Variants in SPIDR observed in about 807,000 individuals in gnomAD.
SPIDR encodes the protein scaffold protein involved in DNA repair.
Under a neutral mutation model 104.6 loss-of-function variants are expected in SPIDR, and 93 were observed. That is an observed-to-expected ratio of 0.89 (90% CI 0.75 to 1.06). SPIDR has a LOEUF of 1.06. Ranked by LOEUF, SPIDR falls within the 50% of genes least tolerant of loss-of-function variation. The probability of loss-of-function intolerance (pLI) is 0.00; values close to 1 mark genes in which losing one functional copy is unlikely to be tolerated. For synonymous variants in SPIDR, 431 were observed against 416.9 expected, an observed-to-expected ratio of 1.03 and a Z score of -0.41; for missense variants, 1,154 against 1,111.2, an observed-to-expected ratio of 1.04 and a Z score of -0.55.
intron 5 of SPIDR, among the ~76,000 whole-genome samples, chr8:47,298,361 G>T (rs1455618216): frequency 6.6e-6 from 1 of 152,082 alleles, no homozygotes; most frequent in Non-Finnish European, 1.5e-5. Context: ...TTAGCCCTTT[G>T]TCAGATGAGT....
chr8:47,365,976 GCACACA>G (rs59590542), intron 5 of SPIDR, among the ~76,000 whole-genome samples: 8 of 148,704 alleles, frequency 5.4e-5, no homozygotes, highest in South Asian at 2.1e-4. Flanking sequence ...ACATGCACAA[GCACACA>G]CACACACACA....
At chr8:47,552,556 G>C (rs1016476835) in intron 8 of SPIDR, among the ~76,000 whole-genome samples, 3 of 151,882 alleles carry the variant, frequency 2.0e-5, no homozygotes, top group African/African-American at 7.3e-5. Flanking sequence ...GATCTTTGTT[G>C]TTTTATTAGA....
At chr8:47,552,895 G>C (rs192728916) in intron 8 of SPIDR, among the ~76,000 whole-genome samples, 1 of 152,136 alleles carries the variant, frequency 6.6e-6, no homozygotes, top group African/African-American at 2.4e-5. Context: ...GCAGTGGCTG[G>C]TACCAGTTGT....
chr8:47,575,691 G>T (rs1175832561), intron 8 of SPIDR, among the ~76,000 whole-genome samples: 1 of 149,966 alleles, frequency 6.7e-6, no homozygotes, highest in Non-Finnish European at 1.5e-5. Flanking sequence ...GCCAGGCGCA[G>T]TGGCTCACAC....
chr8:47,478,825 C>T (rs1586393652), intron 8 of SPIDR, among the ~76,000 whole-genome samples: 1 of 152,264 alleles, frequency 6.6e-6, no homozygotes, highest in Non-Finnish European at 1.5e-5. Context: ...ACAATTATAG[C>T]TCTAAACCTG....
intron 8 of SPIDR, among the ~76,000 whole-genome samples, chr8:47,485,173 T>G (rs1216510169): frequency 6.6e-6 from 1 of 152,212 alleles, no homozygotes; most frequent in Non-Finnish European, 1.5e-5. Flanking sequence ...TCCAATGGTC[T>G]TAGCAAATGG....
At chr8:47,577,579 T>G (rs1346108639) in intron 8 of SPIDR, among the ~76,000 whole-genome samples, 1 of 152,210 alleles carries the variant, frequency 6.6e-6, no homozygotes, top group Non-Finnish European at 1.5e-5. Flanking sequence ...AATACAGTAT[T>G]CGCAGGCATC....
chr8:47,655,135 A>T (rs1240444143), intron 10 of SPIDR, among the ~76,000 whole-genome samples: 1 of 152,228 alleles, frequency 6.6e-6, no homozygotes, highest in Non-Finnish European at 1.5e-5. Flanking sequence ...ATTGTTGGAC[A>T]TATGGGTTGG....
At chr8:47,333,991 A>G (rs1184947102) in intron 5 of SPIDR, among the ~76,000 whole-genome samples, 2 of 152,232 alleles carry the variant, frequency 1.3e-5, no homozygotes, top group Non-Finnish European at 2.9e-5. Context: ...TATTATTTTC[A>G]TATAGTTGAA....
intron 5 of SPIDR, among the ~76,000 whole-genome samples, chr8:47,299,685 C>G (rs1294549995): frequency 2.0e-5 from 3 of 152,050 alleles, no homozygotes; most frequent in African/African-American, 7.3e-5. Flanking sequence ...TGTCAAAGGC[C>G]TTTTCTGCAT....
intron 5 of SPIDR, among the ~76,000 whole-genome samples, chr8:47,301,107 C>G (rs1371192568): frequency 6.6e-6 from 1 of 152,132 alleles, no homozygotes; most frequent in African/African-American, 2.4e-5. Context: ...TCTCTAAGGA[C>G]TTGCTTTATG....
At chr8:47,709,824 T>A (rs1215831308) in intron 14 of SPIDR, among the ~76,000 whole-genome samples, 2 of 152,060 alleles carry the variant, frequency 1.3e-5, no homozygotes, top group Non-Finnish European at 2.9e-5. Context: ...TTTTGGACAT[T>A]TTCAGAACCT....
In SPIDR at chr8:47,566,283, G is replaced by A. The variant is rs544822029; in HGVS notation, c.1098-29528G>A. On this transcript the variant is annotated intron_variant, in intron 8 of 19. Coordinates refer to ENST00000297423, the MANE Select transcript of SPIDR (RefSeq NM_001080394.4). ...AGCCTCCCAAAGTGCTGGGATTACAGGCGTGAGCCACCGTGCCTGGCATTT... is the reference window on the plus strand; with the variant it reads ...AGCCTCCCAAAGTGCTGGGATTACAAGCGTGAGCCACCGTGCCTGGCATTT... Among the ~76,000 whole-genome samples, 4 of 151,936 alleles carry A rather than the reference G, an allele frequency of 2.6e-5. No homozygotes were observed. In the East Asian group the frequency reaches 7.8e-4, roughly 30 times the overall value.
intron 8 of SPIDR, among the ~76,000 whole-genome samples, chr8:47,505,393 C>G (rs933334737): frequency 3.9e-5 from 6 of 151,976 alleles, no homozygotes; most frequent in African/African-American, 1.4e-4. Flanking sequence ...GACTGCTGTG[C>G]TAGCAATGAG....
chr8:47,261,380 T>C (rs1477995533), intron 1 of SPIDR, among the ~76,000 whole-genome samples: 1 of 152,194 alleles, frequency 6.6e-6, no homozygotes, highest in Admixed American at 6.5e-5. Flanking sequence ...CCGCGGATAA[T>C]CCACTGTCAA....
intron 5 of SPIDR, among the ~76,000 whole-genome samples, chr8:47,356,820 T>C (rs1232731024): frequency 6.6e-6 from 1 of 152,162 alleles, no homozygotes; most frequent in Non-Finnish European, 1.5e-5. Context: ...TACTGAACTT[T>C]GGTTTTTAAA....
intron 7 of SPIDR, among the ~76,000 whole-genome samples, chr8:47,420,306 A>G (rs4873088): frequency 0.74 from 111,875 of 151,888 alleles, 41,340 homozygotes; most frequent in East Asian, 0.81. Context: ...CTCCTGTATT[A>G]GGTGCATATA....
intron 8 of SPIDR, among the ~76,000 whole-genome samples, chr8:47,519,723 T>C (rs1340743530): frequency 6.6e-6 from 1 of 152,140 alleles, no homozygotes; most frequent in East Asian, 1.9e-4. Flanking sequence ...AGGTCAAGGC[T>C]GCACTGAGCT....
intron 10 of SPIDR, among the ~76,000 whole-genome samples, chr8:47,602,638 G>A (rs531663487): frequency 4.6e-5 from 7 of 152,284 alleles, no homozygotes; most frequent in East Asian, 1.9e-4. Flanking sequence ...CACCTTGATC[G>A]TAGGTGTCAA....
Sources: gnomAD v4.1 joint callset for allele counts (sites outside exome capture counted in the v4.1 genomes callset) on GRCh38, gnomAD v4.1.1 for gene constraint, MANE v1.5 for transcripts, NCBI Gene and HGNC (gene_info 2026-07-23, HGNC 2026-07-21) for gene names.